SLC66A2: variants seen among roughly 807,000 people sequenced by gnomAD.
SLC66A2 encodes PQ loop repeat containing 1.
A neutral mutation model predicts 25.5 loss-of-function variants in SLC66A2; 23 were observed. The ratio of observed to expected loss-of-function variants is 0.90; its 90% CI spans 0.65 to 1.28. The LOEUF (loss-of-function observed/expected upper bound fraction) is 1.28, where lower values mean the gene tolerates loss of function less well. SLC66A2 is among the 50% of genes most tolerant of loss of function. SLC66A2 has a pLI of 0.00. For synonymous variants in SLC66A2, 193 were observed against 166.5 expected, an observed-to-expected ratio of 1.16 and a Z score of -1.23; for missense variants, 396 against 373.1, an observed-to-expected ratio of 1.06 and a Z score of -0.51.
chr18:79,935,867 C>A (rs1987033124), intron 3 of SLC66A2, among the ~76,000 whole-genome samples: 1 of 152,222 alleles, frequency 6.6e-6, no homozygotes, highest in African/African-American at 2.4e-5. Flanking sequence ...CTTTGAGCCT[C>A]CCCAGATGCT....
intron 2 of SLC66A2, chr18:79,943,680 C>A: frequency 1.9e-6 from 1 of 517,560 alleles, no homozygotes. Context: ...AGGAGGGAGG[C>A]CCACCCATGC....
At chr18:79,930,927 T>C (rs1193892907) in intron 4 of SLC66A2, among the ~76,000 whole-genome samples, 1 of 152,226 alleles carries the variant, frequency 6.6e-6, no homozygotes, top group Admixed American at 6.5e-5. Context: ...ATAATAATCA[T>C]ACCATTTAAA....
In SLC66A2 at chr18:79,903,953, C is replaced by T; in HGVS notation, c.*23G>A. 1 of 1,575,190 alleles carries T rather than the reference C, an allele frequency of 6.3e-7. No homozygotes were observed. The highest frequency in any genetic ancestry group is 8.6e-7 in the Non-Finnish European group (1 of 1,163,320). On this transcript the variant is annotated 3_prime_UTR_variant, in exon 6 of 6. Coordinates refer to ENST00000397778, the MANE Select transcript of SLC66A2 (RefSeq NM_025078.5). ...CCACCAGTGCCCGCGGCTGGCGGTC[C>T]CACATCCTCGTCCTCCCCACTGTCA... is the stretch of plus-strand genomic sequence containing the variant.
intron 5 of SLC66A2, among the ~76,000 whole-genome samples, chr18:79,911,919 C>G (rs1385124408): frequency 1.8e-5 from 1 of 54,926 alleles, no homozygotes; most frequent in Non-Finnish European, 3.5e-5. Context: ...GTGGGGGGGA[C>G]GGGAGCAGGG....
chr18:79,942,756 T>C (rs1987786591), intron 3 of SLC66A2, among the ~76,000 whole-genome samples: 1 of 152,246 alleles, frequency 6.6e-6, no homozygotes, highest in Non-Finnish European at 1.5e-5. Context: ...TTTTCTATTT[T>C]CTAAGCTGCC....
intron 5 of SLC66A2, among the ~76,000 whole-genome samples, chr18:79,913,099 C>T (rs543518579): frequency 2.0e-5 from 3 of 152,308 alleles, no homozygotes; most frequent in Non-Finnish European, 4.4e-5. Context: ...TGAGGACTGA[C>T]GTAGTTGAAA....
At chr18:79,916,949 C>G (rs1470774624) in intron 5 of SLC66A2, among the ~76,000 whole-genome samples, 1 of 152,270 alleles carries the variant, frequency 6.6e-6, no homozygotes, top group East Asian at 1.9e-4. Context: ...GGCGCTGTCT[C>G]TGGGTCAGGA....
intron 2 of SLC66A2, chr18:79,943,671 G>A (rs1159697808): frequency 3.6e-6 from 2 of 551,290 alleles, no homozygotes; most frequent in African/African-American, 1.9e-5. Context: ...ACCTGGGTCA[G>A]GAGGGAGGCC....
intron 3 of SLC66A2, among the ~76,000 whole-genome samples, chr18:79,939,694 C>T (rs183290403): frequency 1.3e-5 from 2 of 152,202 alleles, no homozygotes; most frequent in Admixed American, 6.5e-5. Context: ...CGTCTCATAC[C>T]AGTCGGAATG....
At chr18:79,942,821 A>G (rs1987794916) in intron 3 of SLC66A2, among the ~76,000 whole-genome samples, 1 of 152,228 alleles carries the variant, frequency 6.6e-6, no homozygotes, top group Non-Finnish European at 1.5e-5. Context: ...CCAGCTGTCA[A>G]CACTGCAGTG....
At chr18:79,905,518 G>A (rs769533505) in intron 5 of SLC66A2, among the ~76,000 whole-genome samples, 22 of 152,246 alleles carry the variant, frequency 1.4e-4, no homozygotes, top group Admixed American at 7.8e-4. Flanking sequence ...GTGGGGCTCC[G>A]GGCCTGGGAC....
Position 79,950,874 on chromosome 18 carries a change from G to C in SLC66A2, c.53C>G (p.Ser18Cys). 1 of 1,605,674 alleles carries C rather than the reference G, an allele frequency of 6.2e-7. No individual in the cohort carries two copies. The highest frequency in any genetic ancestry group is 1.1e-5 in the South Asian group (1 of 90,188). The part of the protein sequence containing the change: ...WLLVPLHQLV[S>C]WGAAAAMVFG... Reference sequence around the variant, plus strand: ...GACCATGGCCGCGGCCGCGCCCCAGGACACCAGCTGGTGCAGTGGCACCAG... The same window carrying C: ...GACCATGGCCGCGGCCGCGCCCCAGCACACCAGCTGGTGCAGTGGCACCAG... Residue 18 changes from serine to cysteine, a missense_variant, in exon 2 of 6, where the codon TCC becomes TGC. By Grantham distance (112) the Ser-to-Cys change is moderately radical (BLOSUM62 -1). Transcript: ENST00000397778.
chr18:79,930,562 T>C (rs555556515), intron 4 of SLC66A2, among the ~76,000 whole-genome samples: 1 of 152,346 alleles, frequency 6.6e-6, no homozygotes, highest in Admixed American at 6.5e-5. Flanking sequence ...ATCGGTCACA[T>C]GTCTTCTCCT....
chr18:79,923,776 A>T (rs185146297), intron 4 of SLC66A2, among the ~76,000 whole-genome samples: 1 of 152,340 alleles, frequency 6.6e-6, no homozygotes, highest in African/African-American at 2.4e-5. Flanking sequence ...GGCCAGGCGC[A>T]GTGGCTCACA....
In SLC66A2 at chr18:79,919,204, G is replaced by A. The variant is rs1984668086; in HGVS notation, c.588C>T (p.His196=). Residue 196 remains histidine, a synonymous_variant, in exon 5 of 6, where the codon CAC becomes CAT. Coordinates refer to ENST00000397778, the MANE Select transcript of SLC66A2 (RefSeq NM_025078.5). ...CCTACCTCATGCCCTCCGTGGACTG[G>A]TGGCGGTGGTTGCGGTAAAGCTGGG... ...GVPQLYRNHR[H]QSTEGMSIKM... 3 of 1,613,152 alleles carry A rather than the reference G, an allele frequency of 1.9e-6. No individual in the cohort carries two copies. Among genetic ancestry groups the A allele is most frequent in the East Asian group, 2.2e-5 (1 of 44,886 alleles).
At chr18:79,916,670 T>G (rs1358741154) in intron 5 of SLC66A2, among the ~76,000 whole-genome samples, 1 of 152,268 alleles carries the variant, frequency 6.6e-6, no homozygotes, top group Non-Finnish European at 1.5e-5. Flanking sequence ...AGCTCATCTG[T>G]GTGCCGTGAG....
chr18:79,933,162 T>C (rs1362279029), intron 4 of SLC66A2, among the ~76,000 whole-genome samples: 1 of 152,152 alleles, frequency 6.6e-6, no homozygotes, highest in Non-Finnish European at 1.5e-5. Context: ...TCAATCAATG[T>C]AGTACATCAT....
chr18:79,923,347 G>A (rs1289357323), intron 4 of SLC66A2, among the ~76,000 whole-genome samples: 1 of 151,884 alleles, frequency 6.6e-6, no homozygotes, highest in Non-Finnish European at 1.5e-5. Context: ...CTGTGGACAG[G>A]TGGGTCATGC....
chr18:79,951,649 A>G lies in SLC66A2; in HGVS notation c.-168T>C, dbSNP rs902926443. The G allele has an allele frequency of 3.0e-4, 45 of 151,714 alleles. No individual in the cohort carries two copies. The highest frequency in any genetic ancestry group is 1.1e-3 in the African/African-American group (44 of 41,414). 9.4% of individuals were successfully genotyped at this position (151,714 alleles called of 1,614,324 possible). ...GCTGACCCGCGCGCGTCTCGGCGTCAGTCCGCTCAGGCGCCGGGAAACCCC... is the reference window on the plus strand; with the variant it reads ...GCTGACCCGCGCGCGTCTCGGCGTCGGTCCGCTCAGGCGCCGGGAAACCCC... On this transcript the variant is annotated 5_prime_UTR_variant, in exon 1 of 6. Coordinates refer to ENST00000397778, the MANE Select transcript of SLC66A2 (RefSeq NM_025078.5).
Sources: allele counts gnomAD v4.1 joint callset (sites outside exome capture counted in the v4.1 genomes callset), GRCh38; gene constraint gnomAD v4.1.1; transcripts MANE v1.5; gene names NCBI Gene and HGNC (gene_info 2026-07-23, HGNC 2026-07-21).